The following GABRG3 variants were observed in gnomAD, a reference collection of about 807,000 sequenced individuals.
The protein encoded by GABRG3 is gamma-aminobutyric acid type A receptor subunit gamma3.
In GABRG3, 25 loss-of-function variants were observed where a neutral mutation model predicts 48.8. The ratio of observed to expected loss-of-function variants is 0.51; its 90% confidence interval spans 0.37 to 0.72. The LOEUF (loss-of-function observed/expected upper bound fraction) is 0.72, where lower values mean the gene tolerates loss of function less well. Ranked by LOEUF, GABRG3 falls within the 30% of genes least tolerant of loss-of-function variation. The pLI is 0.00. For missense variants in GABRG3, 394 were observed against 577.9 expected, an observed-to-expected ratio of 0.68 and a Z score of 3.26; for synonymous variants, 227 against 217.6, an observed-to-expected ratio of 1.04 and a Z score of -0.38.
At chr15:27,233,024 G>A (rs762975909) in intron 3 of GABRG3, among the ~76,000 whole-genome samples, 2 of 152,166 alleles carry the variant, frequency 1.3e-5, no homozygotes, top group African/African-American at 2.4e-5. Flanking sequence ...TGGCACCCAG[G>A]CCCCAGGCAC....
intron 5 of GABRG3, among the ~76,000 whole-genome samples, chr15:27,465,296 C>G (rs985111238): frequency 1.3e-5 from 2 of 152,166 alleles, no homozygotes; most frequent in Non-Finnish European, 2.9e-5. Context: ...TGCGTTTTCA[C>G]GTTTTTAAAG....
intron 3 of GABRG3, among the ~76,000 whole-genome samples, chr15:27,168,357 GCC>G (rs1008540005): frequency 1.6e-4 from 25 of 151,694 alleles, no homozygotes; most frequent in Non-Finnish European, 2.9e-4. Flanking sequence ...GCAGGCAGTC[GCC>G]CCACACATGT....
intron 6 of GABRG3, among the ~76,000 whole-genome samples, chr15:27,489,624 C>T (rs1425913880): frequency 1.3e-5 from 2 of 152,240 alleles, no homozygotes; most frequent in African/African-American, 4.8e-5. Flanking sequence ...TCTCTAATGA[C>T]CAGTGATGAT....
chr15:27,419,354 T>C (rs72705758), intron 5 of GABRG3, among the ~76,000 whole-genome samples: 2,386 of 152,278 alleles, frequency 0.016, 43 homozygotes, highest in South Asian at 0.078. Flanking sequence ...TTCTAACTTT[T>C]TTTTCATGTT....
intron 3 of GABRG3, among the ~76,000 whole-genome samples, chr15:27,028,469 C>A (rs1288406255): frequency 6.6e-6 from 1 of 152,100 alleles, no homozygotes; most frequent in Non-Finnish European, 1.5e-5. Context: ...ACTGTGAAAA[C>A]CTTTTCCCAT....
intron 3 of GABRG3, among the ~76,000 whole-genome samples, chr15:27,313,181 T>C (rs1249485369): frequency 1.4e-5 from 2 of 140,576 alleles, no homozygotes; most frequent in East Asian, 4.1e-4. Flanking sequence ...AGCAGAAACA[T>C]ATATATATAT....
rs76541536 is a variant in GABRG3, at chr15:27,496,354, G to A, written c.712+15567G>A. ...TTTCTGGGATGTGTGGCTGGAATCG[G>A]GTGATTATTGTCTGAAGTGTTCTGT... On this transcript the variant is annotated intron_variant, in intron 6 of 9. Transcript: ENST00000615808. Among the ~76,000 whole-genome samples the A allele has an allele frequency of 3.1e-3, 470 of 152,272 alleles. 6 individuals are homozygous for A. Among genetic ancestry groups the A allele is most frequent in the African/African-American group, 0.011 (437 of 41,548 alleles).
chr15:27,097,433 A>G (rs374724563), intron 3 of GABRG3, among the ~76,000 whole-genome samples: 21 of 152,026 alleles, frequency 1.4e-4, no homozygotes, highest in African/African-American at 4.8e-4. Context: ...GCATAGAAAA[A>G]TTTTATTCAG....
chr15:27,367,206 A>G (rs1323190447), intron 5 of GABRG3, among the ~76,000 whole-genome samples: 2 of 152,096 alleles, frequency 1.3e-5, no homozygotes, highest in Admixed American at 6.5e-5. Flanking sequence ...CCCTACAAGG[A>G]CACCCTGCAC....
intron 5 of GABRG3, among the ~76,000 whole-genome samples, chr15:27,479,103 G>C (rs1338321216): frequency 6.6e-6 from 1 of 150,684 alleles, no homozygotes; most frequent in Non-Finnish European, 1.5e-5. Flanking sequence ...TAGGGTGATG[G>C]TTCCACCATT....
In GABRG3 at chr15:27,160,661, C is replaced by CT. The variant is rs796608170; in HGVS notation, c.270+133851dup. Among the ~76,000 whole-genome samples, 451 of 146,664 alleles carry CT rather than the reference C, an allele frequency of 3.1e-3. 3 individuals are homozygous for CT. Among genetic ancestry groups the CT allele is most frequent in the Middle Eastern group, 0.011 (3 of 284 alleles). On this transcript the variant is annotated intron_variant, in intron 3 of 9. Transcript: ENST00000615808. ...TCCTGTTATTTCAATGAACCAGTAA[C>CT]TTTTTTTTTTTCTTTTGGAGGATCT...
intron 5 of GABRG3, among the ~76,000 whole-genome samples, chr15:27,417,786 G>T (rs1887986464): frequency 6.6e-6 from 1 of 152,178 alleles, no homozygotes; most frequent in Non-Finnish European, 1.5e-5. Flanking sequence ...CTTTGTATCA[G>T]ATCTGCCAGG....
At chr15:27,340,530 C>A (rs2140528045) in intron 5 of GABRG3, 1 of 153,838 alleles carries the variant, frequency 6.5e-6, no homozygotes, top group African/African-American at 2.4e-5. Context: ...GTACAAACAA[C>A]TTGAAGGAGC....
chr15:27,520,223 G>T (rs1217654560), intron 7 of GABRG3, 99 bp downstream of exon 7: 3 of 1,182,902 alleles, frequency 2.5e-6, no homozygotes, highest in Admixed American at 2.6e-5. Flanking sequence ...AAATGTGAAT[G>T]ATCTCATTTG....
chr15:27,282,371 A>G (rs1467209848), intron 3 of GABRG3, among the ~76,000 whole-genome samples: 1 of 152,118 alleles, frequency 6.6e-6, no homozygotes, highest in Non-Finnish European at 1.5e-5. Flanking sequence ...AGAGGCCACA[A>G]GTCCCCGAGG....
At chr15:27,458,575 G>C (rs28593038) in intron 5 of GABRG3, among the ~76,000 whole-genome samples, 1 of 152,174 alleles carries the variant, frequency 6.6e-6, no homozygotes, top group African/African-American at 2.4e-5. Context: ...ATCCAGCTGA[G>C]AGGCAATCAA....
chr15:27,075,682 C>T (rs973637924), intron 3 of GABRG3, among the ~76,000 whole-genome samples: 1 of 152,100 alleles, frequency 6.6e-6, no homozygotes, highest in Non-Finnish European at 1.5e-5. Flanking sequence ...AAAAGAAATC[C>T]GTGTCATAAG....
At chr15:27,521,695 G>C (rs1891163945) in intron 7 of GABRG3, among the ~76,000 whole-genome samples, 1 of 151,996 alleles carries the variant, frequency 6.6e-6, no homozygotes, top group South Asian at 2.1e-4. Context: ...ATTCTAGAGT[G>C]AAATGTATAA....
At chr15:27,104,090 C>G (rs964170689) in intron 3 of GABRG3, among the ~76,000 whole-genome samples, 1 of 152,116 alleles carries the variant, frequency 6.6e-6, no homozygotes, top group Non-Finnish European at 1.5e-5. Flanking sequence ...ACTTGTTTAT[C>G]GAGGTTATAG....
Sources: allele counts gnomAD v4.1 joint callset (sites outside exome capture counted in the v4.1 genomes callset), GRCh38; gene constraint gnomAD v4.1.1; transcripts MANE v1.5; gene names NCBI Gene and HGNC (gene_info 2026-07-23, HGNC 2026-07-21).